The following RARB variants were observed in gnomAD, a reference collection of about 807,000 sequenced individuals.
RARB encodes the protein retinoic acid receptor beta, also known as HBV-activated protein.
A neutral mutation model predicts 51.9 loss-of-function variants in RARB; 17 were observed. That is an observed-to-expected ratio of 0.33 (90% CI 0.22 to 0.49). The LOEUF (loss-of-function observed/expected upper bound fraction) is 0.49. Among genes scored for constraint, RARB ranks in the 20% least tolerant of loss-of-function variants. The pLI, the probability that RARB is intolerant of heterozygous loss-of-function variation, is 0.99. For missense variants in RARB, 369 were observed against 550.8 expected, an observed-to-expected ratio of 0.67 and a Z score of 3.30; for synonymous variants, 215 against 195.4, an observed-to-expected ratio of 1.10 and a Z score of -0.84.
chr3:24,938,588 TAA>T (rs1695593007), intron 2 of RARB, among the ~76,000 whole-genome samples: 1 of 152,178 alleles, frequency 6.6e-6, no homozygotes, highest in Admixed American at 6.5e-5. Context: ...TAAAAATAGT[TAA>T]AATGGTAAAT....
At chr3:25,351,406 A>T (rs970603627) in intron 5 of RARB, among the ~76,000 whole-genome samples, 1 of 151,956 alleles carries the variant, frequency 6.6e-6, no homozygotes, top group Non-Finnish European at 1.5e-5. Flanking sequence ...TTGATTGTTT[A>T]TCGATCACAG....
chr3:25,395,888 C>T (rs1031599286), intron 5 of RARB, among the ~76,000 whole-genome samples: 13 of 152,222 alleles, frequency 8.5e-5, no homozygotes, highest in South Asian at 8.3e-4. Flanking sequence ...GGTTTAGATC[C>T]ATTGCTGGTG....
intron 3 of RARB, among the ~76,000 whole-genome samples, chr3:25,108,860 G>T (rs1699553931): frequency 6.6e-6 from 1 of 152,082 alleles, no homozygotes; most frequent in South Asian, 2.1e-4. Context: ...GTCTCATTGT[G>T]TCATAGCAGT....
At chr3:25,496,595 C>A (rs1262961178) in intron 2 of RARB, among the ~76,000 whole-genome samples, 1 of 152,240 alleles carries the variant, frequency 6.6e-6, no homozygotes, top group Non-Finnish European at 1.5e-5. Flanking sequence ...GGTTGGCATT[C>A]CCCCATGTCA....
intron 2 of RARB, among the ~76,000 whole-genome samples, chr3:25,026,365 A>G (rs1173185489): frequency 6.6e-6 from 1 of 152,152 alleles, no homozygotes; most frequent in Non-Finnish European, 1.5e-5. Context: ...TTTTCTCACA[A>G]TTTTGGGGGC....
intron 5 of RARB, among the ~76,000 whole-genome samples, chr3:25,240,472 T>G (rs1363219343): frequency 6.6e-6 from 1 of 152,182 alleles, no homozygotes; most frequent in African/African-American, 2.4e-5. Flanking sequence ...GTTTGTTATA[T>G]ATGGCCTTTA....
chr3:25,180,531 G>A (rs1029245945), intron 5 of RARB, among the ~76,000 whole-genome samples: 6 of 152,286 alleles, frequency 3.9e-5, no homozygotes, highest in South Asian at 4.1e-4. Flanking sequence ...GGCCTTGAGC[G>A]ATGGGAGATT....
At chr3:24,953,443 C>T (rs993040826) in intron 2 of RARB, among the ~76,000 whole-genome samples, 11 of 152,178 alleles carry the variant, frequency 7.2e-5, no homozygotes, top group African/African-American at 2.7e-4. Context: ...TACCCCTGAG[C>T]AATGCAGTCT....
At chr3:25,541,803 A>G (rs1365997647) in intron 3 of RARB, among the ~76,000 whole-genome samples, 1 of 152,168 alleles carries the variant, frequency 6.6e-6, no homozygotes, top group East Asian at 1.9e-4. Flanking sequence ...CTAGTCTCCA[A>G]CTGCTTTACA....
At chr3:25,196,040 A>T (rs1421493254) in intron 5 of RARB, among the ~76,000 whole-genome samples, 1 of 151,904 alleles carries the variant, frequency 6.6e-6, no homozygotes, top group African/African-American at 2.4e-5. Context: ...TCTATAGGTT[A>T]TCAAGTATCT....
intron 5 of RARB, among the ~76,000 whole-genome samples, chr3:25,343,836 C>T (rs546419576): frequency 3.3e-4 from 50 of 152,122 alleles, no homozygotes; most frequent in Non-Finnish European, 6.3e-4. Context: ...TGTTTTCGAT[C>T]GTAAGTCTTG....
intron 5 of RARB, among the ~76,000 whole-genome samples, chr3:25,212,423 G>A (rs558745086): frequency 1.3e-5 from 2 of 152,282 alleles, no homozygotes; most frequent in South Asian, 2.1e-4. Context: ...TTCAAGACCA[G>A]CCTGGCCAAC....
At chr3:25,531,048 TAGAA>T (rs1280978046) in intron 3 of RARB, among the ~76,000 whole-genome samples, 2 of 152,078 alleles carry the variant, frequency 1.3e-5, no homozygotes, top group African/African-American at 2.4e-5. Context: ...GGTGGAGAAA[TAGAA>T]AGAGATAAGG....
chr3:25,044,015 C>A (rs918315971), intron 2 of RARB, among the ~76,000 whole-genome samples: 62 of 148,510 alleles, frequency 4.2e-4, no homozygotes, highest in Non-Finnish European at 8.2e-4. Flanking sequence ...GCAGACCTCT[C>A]AGGTTTTCCC....
At chr3:24,869,541 C>T (rs1436288850) in intron 2 of RARB, among the ~76,000 whole-genome samples, 1 of 151,960 alleles carries the variant, frequency 6.6e-6, no homozygotes, top group African/African-American at 2.4e-5. Flanking sequence ...TTACAAAATG[C>T]ATATACATAT....
chr3:25,499,221 T>A (rs1367571072), intron 2 of RARB, among the ~76,000 whole-genome samples: 3 of 152,236 alleles, frequency 2.0e-5, no homozygotes, highest in Non-Finnish European at 4.4e-5. Flanking sequence ...CTCTGGCTCC[T>A]GCAGTGTTAA....
At chr3:25,308,886 T>A (rs1173084638) in intron 5 of RARB, among the ~76,000 whole-genome samples, 1 of 152,192 alleles carries the variant, frequency 6.6e-6, no homozygotes, top group Non-Finnish European at 1.5e-5. Flanking sequence ...TAACATGATA[T>A]CCCAGATGTG....
chr3:25,078,240 G>A (rs1392155004), intron 3 of RARB, among the ~76,000 whole-genome samples: 1 of 152,108 alleles, frequency 6.6e-6, no homozygotes, highest in African/African-American at 2.4e-5. Flanking sequence ...TTGCTTTCAA[G>A]AAGCTGTAAG....
At chr3:25,256,578 A>C (rs1047633177) in intron 5 of RARB, among the ~76,000 whole-genome samples, 2 of 152,158 alleles carry the variant, frequency 1.3e-5, no homozygotes, top group Non-Finnish European at 2.9e-5. Flanking sequence ...GTAGCCCATA[A>C]TCAAACGTAT....
Sources: allele counts gnomAD v4.1 joint callset (sites outside exome capture counted in the v4.1 genomes callset), GRCh38; gene constraint gnomAD v4.1.1; transcripts MANE v1.5; gene names NCBI Gene and HGNC (gene_info 2026-07-23, HGNC 2026-07-21).